The following LRRC37A2 variants were observed in gnomAD, a reference collection of about 807,000 sequenced individuals.
The protein encoded by LRRC37A2 is leucine-rich repeat-containing protein 37A2.
A neutral mutation model predicts 68.8 loss-of-function variants in LRRC37A2; 9 were observed. The observed-to-expected ratio is 0.13, with a 90% CI of 0.08 to 0.23. The LOEUF (loss-of-function observed/expected upper bound fraction) is 0.23. Ranked by LOEUF, LRRC37A2 falls within the 10% of genes least tolerant of loss-of-function variation. LRRC37A2 has a pLI of 1.00. For synonymous variants in LRRC37A2, 63 were observed against 367.6 expected (o/e 0.17, Z 9.48); for missense variants, 168 against 950.4 (o/e 0.18, Z 10.82).
At chr17:46,898,788 A>G in the LRRC37A2 span, among the ~76,000 whole-genome samples, 2 of 152,214 alleles carry the variant, frequency 1.3e-5, no homozygotes, top group Non-Finnish European at 2.9e-5. Context: ...TCCCTCATAC[A>G]TTGAAACATT....
chr17:46,500,259 T>C, the LRRC37A2 span, among the ~76,000 whole-genome samples: 1 of 127,460 alleles, frequency 7.8e-6, no homozygotes, highest in Non-Finnish European at 1.7e-5. Context: ...GCATCAATCC[T>C]GTTGTAATCG....
At chr17:46,630,602 A>AGTT in the LRRC37A2 span, 1 of 389,406 alleles carries the variant, frequency 2.6e-6, no homozygotes, top group Non-Finnish European at 4.0e-6. Flanking sequence ...GGAAGGAAAT[A>AGTT]GTTATGGTAC....
chr17:46,788,604 C>T, the LRRC37A2 span, among the ~76,000 whole-genome samples: 23 of 152,200 alleles, frequency 1.5e-4, no homozygotes, highest in Admixed American at 3.9e-4. Context: ...CTTATACATC[C>T]GTCACAGGTA....
At chr17:46,804,738 C>T in the LRRC37A2 span, among the ~76,000 whole-genome samples, 3 of 152,276 alleles carry the variant, frequency 2.0e-5, no homozygotes, top group African/African-American at 7.2e-5. Context: ...ACTTGGAGAA[C>T]TTTTCTGTCT....
the LRRC37A2 span, among the ~76,000 whole-genome samples, chr17:46,908,411 C>G: frequency 9.2e-5 from 14 of 152,230 alleles, no homozygotes; most frequent in African/African-American, 2.9e-4. Flanking sequence ...CTCCTGGAGG[C>G]GCTGAAAATA....
chr17:46,979,046 G>A, the LRRC37A2 span: 1 of 1,368,938 alleles, frequency 7.3e-7, no homozygotes, highest in Non-Finnish European at 9.3e-7. Flanking sequence ...GCAGTCCCGG[G>A]TGCACTGGGC....
the LRRC37A2 span, among the ~76,000 whole-genome samples, chr17:46,874,551 T>C: frequency 6.6e-6 from 1 of 152,188 alleles, no homozygotes; most frequent in Non-Finnish European, 1.5e-5. Context: ...AGTGAATTTG[T>C]AAATTCCATT....
At chr17:46,760,091 C>G in the LRRC37A2 span, among the ~76,000 whole-genome samples, 1 of 152,074 alleles carries the variant, frequency 6.6e-6, no homozygotes, top group Non-Finnish European at 1.5e-5. Context: ...CACAGCAAGA[C>G]CCCATCTCTA....
the LRRC37A2 span, among the ~76,000 whole-genome samples, chr17:46,752,326 T>A: frequency 6.6e-6 from 1 of 152,142 alleles, no homozygotes; most frequent in African/African-American, 2.4e-5. Flanking sequence ...TGTCCTTATC[T>A]GACATACTAG....
chr17:46,605,349 G>A, the LRRC37A2 span, among the ~76,000 whole-genome samples: 2 of 109,922 alleles, frequency 1.8e-5, no homozygotes, highest in Non-Finnish European at 3.8e-5. Context: ...TCAGGAGGCT[G>A]AGGCAGGAGA....
chr17:46,708,082 T>C, the LRRC37A2 span, among the ~76,000 whole-genome samples: 7 of 151,992 alleles, frequency 4.6e-5, no homozygotes, highest in South Asian at 1.3e-3. Flanking sequence ...CATGTTGTTA[T>C]CCATTCCTCT....
the LRRC37A2 span, among the ~76,000 whole-genome samples, chr17:47,013,246 T>C: frequency 1.8e-4 from 27 of 152,298 alleles, no homozygotes; most frequent in Non-Finnish European, 3.5e-4. Context: ...TGTTTTAGAT[T>C]GGTGAAAATA....
the LRRC37A2 span, chr17:46,966,642 C>T: frequency 1.6e-6 from 1 of 627,730 alleles, no homozygotes; most frequent in South Asian, 1.8e-5. Flanking sequence ...AGCCACCACC[C>T]TGACCTCCAA....
chr17:46,792,284 G>C, the LRRC37A2 span, among the ~76,000 whole-genome samples: 109 of 152,116 alleles, frequency 7.2e-4, 1 homozygote, highest in Non-Finnish European at 1.4e-3. Context: ...GCACCTTTTT[G>C]GGGACACTCA....
the LRRC37A2 span, among the ~76,000 whole-genome samples, chr17:46,727,565 AT>A: frequency 6.6e-6 from 1 of 151,966 alleles, no homozygotes; most frequent in East Asian, 1.9e-4. Flanking sequence ...TCTGTTATTT[AT>A]TTTTTTAAGT....
the LRRC37A2 span, among the ~76,000 whole-genome samples, chr17:46,458,578 G>A: frequency 3.3e-5 from 1 of 29,870 alleles, no homozygotes; most frequent in Admixed American, 5.2e-4. Context: ...TTTTGCTCTT[G>A]TTGCCCAGGC....
chr17:47,016,341 T>G, the LRRC37A2 span, among the ~76,000 whole-genome samples: 1 of 150,710 alleles, frequency 6.6e-6, no homozygotes, highest in Non-Finnish European at 1.5e-5. Flanking sequence ...CTGGTAATTA[T>G]GCCAGACAGT....
chr17:46,898,013 A>G, the LRRC37A2 span, among the ~76,000 whole-genome samples: 11 of 152,086 alleles, frequency 7.2e-5, no homozygotes, highest in Non-Finnish European at 1.6e-4. Flanking sequence ...CAGAAAATAC[A>G]CTGGGAAGTA....
At chr17:46,932,578 G>A in the LRRC37A2 span, 1 of 467,298 alleles carries the variant, frequency 2.1e-6, no homozygotes, top group Non-Finnish European at 3.8e-6. Context: ...CTGCCTGCGG[G>A]CAGTTGCCAT....
Sources: gnomAD v4.1 joint callset for allele counts (sites outside exome capture counted in the v4.1 genomes callset) on GRCh38, gnomAD v4.1.1 for gene constraint, MANE v1.5 for transcripts, NCBI Gene and HGNC (gene_info 2026-07-23, HGNC 2026-07-21) for gene names.